The following ZDHHC11 variants were observed in gnomAD, a reference collection of about 807,000 sequenced individuals.
ZDHHC11 encodes the protein palmitoyltransferase ZDHHC11.
A neutral mutation model predicts 51.3 loss-of-function variants in ZDHHC11; 44 were observed. The observed-to-expected ratio is 0.86, with a 90% CI of 0.67 to 1.10. ZDHHC11 has a LOEUF of 1.10. ZDHHC11 is among the 50% of genes least tolerant of loss of function. The pLI is 0.00. For missense variants in ZDHHC11, 400 were observed against 537.7 expected (o/e 0.74, Z 2.53); for synonymous variants, 163 against 222.0 (o/e 0.73, Z 2.36).
rs1165281136 is a variant in ZDHHC11, at chr5:829,578, G to T, written c.935+4195C>A. On this transcript the variant is annotated intron_variant, in intron 7 of 12. Transcript: ENST00000283441. Reference sequence around the variant, plus strand: ...CTATCAGGCATCCAAAGAAGGACTGGTACCAATCTTATGGAAACTATTACA... The same window carrying T: ...CTATCAGGCATCCAAAGAAGGACTGTTACCAATCTTATGGAAACTATTACA... 3.5e-3 allele frequency among the ~76,000 whole-genome samples: 531 copies of T among 151,096 alleles called. 8 individuals are homozygous for T. The highest frequency in any genetic ancestry group is 4.6e-3 in the Non-Finnish European group (308 of 67,496).
intron 7 of ZDHHC11, among the ~76,000 whole-genome samples, chr5:827,970 G>C (rs1273307847): frequency 1.3e-5 from 2 of 151,128 alleles, no homozygotes; most frequent in Admixed American, 1.3e-4. Flanking sequence ...TCAAGCATCT[G>C]TTTAACAAAG....
At chr5:820,787 A>C (rs1741464336) in intron 9 of ZDHHC11, among the ~76,000 whole-genome samples, 1 of 151,522 alleles carries the variant, frequency 6.6e-6, no homozygotes, top group Non-Finnish European at 1.5e-5. Flanking sequence ...AAGAATTGTC[A>C]AAAGTAAATG....
At chr5:846,785 TA>T (rs1746270035) in intron 3 of ZDHHC11, among the ~76,000 whole-genome samples, 29 of 109,038 alleles carry the variant, frequency 2.7e-4, no homozygotes, top group African/African-American at 1.3e-3. Flanking sequence ...ACCTCTCGTC[TA>T]TGAGCCTCCA....
chr5:826,239 G>GC (rs199962612), intron 7 of ZDHHC11, among the ~76,000 whole-genome samples: 737 of 4,288 alleles, frequency 0.17, 3 homozygotes, highest in East Asian at 0.31. Flanking sequence ...CTGACCAGCA[G>GC]CCTTGAGTTC....
chr5:801,280 C>T lies in ZDHHC11; in HGVS notation c.1182-116G>A, dbSNP rs143847031. ...GTACATTTTAGAGATTAGCTTGTGA[C>T]GTGGGCAATCACTTCACCTCTCTGA... On this transcript the variant is annotated intron_variant, in intron 11 of 12. Transcript: ENST00000283441. The T allele has an allele frequency of 1.0e-3, 1,352 of 1,297,142 alleles. 36 individuals carry two copies. In the African/African-American group the frequency reaches 0.017, roughly 17 times the overall value. 80.4% of individuals were successfully genotyped at this position (1,297,142 alleles called of 1,614,324 possible).
chr5:824,723 T>C (rs1257637010), intron 8 of ZDHHC11, among the ~76,000 whole-genome samples: 3 of 151,030 alleles, frequency 2.0e-5, no homozygotes, highest in Non-Finnish European at 3.0e-5. Context: ...ATACATCGTC[T>C]ATTCCCATCT....
chr5:857,202 C>A (rs1160920760), intron 1 of ZDHHC11, among the ~76,000 whole-genome samples: 1 of 152,226 alleles, frequency 6.6e-6, no homozygotes, highest in Non-Finnish European at 1.5e-5. Flanking sequence ...TGTGTTATGA[C>A]AACCGGACCG....
intron 5 of ZDHHC11, chr5:840,266 G>A (rs1210705623): frequency 2.6e-6 from 2 of 771,234 alleles, no homozygotes; most frequent in Non-Finnish European, 4.5e-6. Context: ...TTCTTGCTGG[G>A]CCTGCTGGGT....
At chr5:836,378 GCA>G (rs1743852800) in intron 6 of ZDHHC11, among the ~76,000 whole-genome samples, 1 of 150,336 alleles carries the variant, frequency 6.7e-6, no homozygotes, top group Admixed American at 6.6e-5. Context: ...TGGCCACAGT[GCA>G]CATTCCTGCC....
At chr5:796,885 C>G (rs1486440137) in intron 12 of ZDHHC11, among the ~76,000 whole-genome samples, 1 of 152,208 alleles carries the variant, frequency 6.6e-6, no homozygotes, top group Non-Finnish European at 1.5e-5. Flanking sequence ...TGAAAGATAA[C>G]CCATCTTTTA....
chr5:801,149 T>A lies in ZDHHC11; in HGVS notation c.1197A>T (p.Thr399=). Residue 399 remains threonine, a synonymous_variant, in exon 12 of 13, where the codon ACA becomes ACT. Transcript: ENST00000283441. ...SISTLGLQQE[T]TEPMKTDSAE... The stretch of plus-strand genomic sequence containing the variant: ...CACTGTCAGTTTTCATGGGCTCTGT[T>A]GTTTCTTGTTGCAGCCTGTTTGCAA... 1.2e-6 allele frequency: 2 copies of A among 1,611,152 alleles called. No homozygotes were observed. The highest frequency in any genetic ancestry group is 2.2e-5 in the South Asian group (2 of 90,956).
chr5:851,461 A>C (rs1223712841), upstream of ZDHHC11, among the ~76,000 whole-genome samples: 1 of 152,214 alleles, frequency 6.6e-6, no homozygotes. Flanking sequence ...AGGGTTAGGA[A>C]GCTTCGCCAC....
rs1746939147 is a variant in ZDHHC11, at chr5:850,162, A to T, written c.222+219T>A. 5.2e-6 allele frequency: 3 copies of T among 581,428 alleles called. No homozygotes were observed. The East Asian group carries it at 8.7e-5, about 17-fold the overall frequency. The allele number at this position is 581,428 out of a possible 1,614,324, so 36.0% of individuals were successfully genotyped here. A position where few individuals can be genotyped will look rare whatever the true frequency, so the allele number is the denominator to read the frequency against. ...CCCTCCTGACAGATTCCCTCTCCGGAGCCCCCTCAGCCAACGCTGTCCTGT... is the reference window on the plus strand; with the variant it reads ...CCCTCCTGACAGATTCCCTCTCCGGTGCCCCCTCAGCCAACGCTGTCCTGT... On this transcript the variant is annotated intron_variant, in intron 1 of 12. Coordinates refer to ENST00000283441, the MANE Select transcript of ZDHHC11 (RefSeq NM_024786.3).
At chr5:850,359 C>G in intron 1 of ZDHHC11, 22 bp downstream of exon 1, 8 of 1,611,886 alleles carry the variant, frequency 5.0e-6, no homozygotes, top group Non-Finnish European at 6.8e-6. Context: ...CCGCTTAGAC[C>G]ATGCCACGAT....
chr5:852,627 C>A (rs1318303840), upstream of ZDHHC11, among the ~76,000 whole-genome samples: 1 of 149,432 alleles, frequency 6.7e-6, no homozygotes, highest in East Asian at 2.0e-4. Context: ...GGTACAGACT[C>A]CACAGAGGAC....
At position 850,403 on chromosome 5, in the gene ZDHHC11, G is replaced by T; in HGVS notation, c.200C>A (p.Ala67Glu). ...FGIFIPFLPH[A>E]WKYIAYVVTG... is the part of the protein sequence containing the mutation. ...TACCACGTAGGCAATGTATTTCCAC[G>T]CGTGAGGCAGGAAGGGAATGAAGAT... Residue 67 changes from alanine (A) to glutamate (E), a missense_variant, in exon 1 of 13, where the codon GCG becomes GAG. Physicochemically the swap from Ala to Glu is moderately radical, Grantham distance 107. Transcript: ENST00000283441. The T allele has an allele frequency of 6.2e-7, 1 of 1,613,614 alleles. No individual in the cohort carries two copies.
chr5:847,901 C>T, intron 2 of ZDHHC11: 1 of 549,466 alleles, frequency 1.8e-6, no homozygotes, highest in Non-Finnish European at 3.2e-6. Context: ...CAGCCTCACT[C>T]TGGGCCATGG....
At chr5:836,267 C>CA (rs1743835317) in intron 6 of ZDHHC11, among the ~76,000 whole-genome samples, 2 of 150,348 alleles carry the variant, frequency 1.3e-5, no homozygotes, top group South Asian at 4.2e-4. Context: ...CATTGATTGG[C>CA]ATGATTGCGT....
At chr5:843,261 C>G (rs1365738613) in intron 4 of ZDHHC11, 1 of 464,744 alleles carries the variant, frequency 2.2e-6, no homozygotes, top group African/African-American at 2.1e-5. Flanking sequence ...CCTCCCACAA[C>G]TACATGGCCC....
Sources: gnomAD v4.1 joint callset for allele counts (sites outside exome capture counted in the v4.1 genomes callset) on GRCh38, gnomAD v4.1.1 for gene constraint, MANE v1.5 for transcripts, NCBI Gene and HGNC (gene_info 2026-07-23, HGNC 2026-07-21) for gene names.